Variants in AUTS2 observed in about 807,000 individuals in gnomAD.
The protein encoded by AUTS2 is autism susceptibility gene 2 protein.
A neutral mutation model predicts 112.4 loss-of-function variants in AUTS2; 17 were observed. The ratio of observed to expected loss-of-function variants is 0.15; its 90% CI spans 0.10 to 0.23. The LOEUF is 0.23. Among genes scored for constraint, AUTS2 ranks in the 10% least tolerant of loss-of-function variants. AUTS2 has a pLI of 1.00. For missense variants in AUTS2, 1,510 were observed against 1,701.6 expected (o/e 0.89, Z 1.98); for synonymous variants, 751 against 702.7 (o/e 1.07, Z -1.09).
chr7:69,653,917 G>C (rs1584014784), intron 1 of AUTS2, among the ~76,000 whole-genome samples: 1 of 152,150 alleles, frequency 6.6e-6, no homozygotes, highest in African/African-American at 2.4e-5. Flanking sequence ...TCTCTACTTA[G>C]TATCCATTTC....
At chr7:69,948,847 C>G (rs1584481448) in intron 2 of AUTS2, among the ~76,000 whole-genome samples, 1 of 150,752 alleles carries the variant, frequency 6.6e-6, no homozygotes, top group East Asian at 2.0e-4. Context: ...CTCTTGTCAC[C>G]CAGGCTGGAG....
chr7:70,055,035 C>A (rs1483485002), intron 2 of AUTS2, among the ~76,000 whole-genome samples: 1 of 152,140 alleles, frequency 6.6e-6, no homozygotes, highest in Non-Finnish European at 1.5e-5. Context: ...TTGCCTACTT[C>A]TTTCCTTCTA....
At chr7:70,400,871 C>T (rs1794297193) in intron 4 of AUTS2, among the ~76,000 whole-genome samples, 1 of 152,102 alleles carries the variant, frequency 6.6e-6, no homozygotes, top group Non-Finnish European at 1.5e-5. Context: ...TTTTAACAAG[C>T]TCCCTAGGCA....
intron 2 of AUTS2, among the ~76,000 whole-genome samples, chr7:70,110,221 T>A (rs970542892): frequency 2.6e-5 from 4 of 152,180 alleles, no homozygotes; most frequent in African/African-American, 9.6e-5. Context: ...TTTTCCTTTT[T>A]AAATTTTATT....
chr7:70,396,123 A>C (rs1265720874), intron 4 of AUTS2, among the ~76,000 whole-genome samples: 1 of 152,116 alleles, frequency 6.6e-6, no homozygotes, highest in Non-Finnish European at 1.5e-5. Context: ...CAAAGTACCC[A>C]CTCATGACAC....
At chr7:69,846,126 T>C (rs1263263109) in intron 1 of AUTS2, among the ~76,000 whole-genome samples, 1 of 152,086 alleles carries the variant, frequency 6.6e-6, no homozygotes, top group Non-Finnish European at 1.5e-5. Flanking sequence ...GTGCCTTTTG[T>C]TAATATATTC....
chr7:70,364,681 C>A (rs1237185447), intron 4 of AUTS2, among the ~76,000 whole-genome samples: 1 of 151,754 alleles, frequency 6.6e-6, no homozygotes, highest in African/African-American at 2.4e-5. Context: ...TTATTAACTT[C>A]TTTTTACTCC....
chr7:70,729,596 A>G (rs1787246591), intron 6 of AUTS2, among the ~76,000 whole-genome samples: 1 of 152,176 alleles, frequency 6.6e-6, no homozygotes, highest in African/African-American at 2.4e-5. Flanking sequence ...TCAGGTGTTG[A>G]AATTTGGCAG....
intron 2 of AUTS2, among the ~76,000 whole-genome samples, chr7:70,091,471 AT>A (rs898369926): frequency 2.8e-4 from 43 of 152,128 alleles, no homozygotes; most frequent in East Asian, 2.5e-3. Context: ...GGTCCTATAA[AT>A]TTTTTTTAAT....
intron 4 of AUTS2, among the ~76,000 whole-genome samples, chr7:70,343,567 G>A (rs1481415940): frequency 6.6e-6 from 1 of 152,196 alleles, no homozygotes; most frequent in Non-Finnish European, 1.5e-5. Flanking sequence ...TCTTCTGGAA[G>A]ACGGGTGATG....
At chr7:70,591,382 G>GTGTTTGTT (rs1316220849) in intron 5 of AUTS2, among the ~76,000 whole-genome samples, 30 of 116,362 alleles carry the variant, frequency 2.6e-4, no homozygotes, top group African/African-American at 1.1e-3. Flanking sequence ...GGTTTACCCA[G>GTGTTTGTT]TCTTTGTTTG....
chr7:70,698,017 T>G (rs1049663118), intron 5 of AUTS2, among the ~76,000 whole-genome samples: 1 of 152,186 alleles, frequency 6.6e-6, no homozygotes, highest in African/African-American at 2.4e-5. Flanking sequence ...GCAGGCCGGC[T>G]TGCATCTTTT....
rs186691249 is a variant in AUTS2, at chr7:69,758,447, C to T, written c.310-140839C>T. 1.2e-3 allele frequency among the ~76,000 whole-genome samples: 181 copies of T among 152,302 alleles called. 1 individual carries two copies. The East Asian group carries it at 0.012, about 10-fold the overall frequency. ...TCAGGGATAAACCTTAGGCTACTCT[C>T]CTGCTTCCTTTTTCAAATGATCCGG... On this transcript the variant is annotated intron_variant, in intron 1 of 18. Transcript: ENST00000342771.
At chr7:70,189,976 A>G (rs1809799965) in intron 4 of AUTS2, among the ~76,000 whole-genome samples, 1 of 152,160 alleles carries the variant, frequency 6.6e-6, no homozygotes, top group African/African-American at 2.4e-5. Flanking sequence ...GAGGTTGAGC[A>G]TGTTAAGGAT....
intron 17 of AUTS2, chr7:70,786,867 C>T (rs1480502232): frequency 2.6e-6 from 1 of 377,642 alleles, no homozygotes; most frequent in Admixed American, 4.1e-5. Context: ...CAAATCCCAC[C>T]ATCATAACAC....
At chr7:70,754,030 G>C (rs539156041) in intron 6 of AUTS2, among the ~76,000 whole-genome samples, 1 of 151,896 alleles carries the variant, frequency 6.6e-6, no homozygotes, top group African/African-American at 2.4e-5. Context: ...GCGTGGTGGC[G>C]GGTGCCTGTA....
intron 2 of AUTS2, among the ~76,000 whole-genome samples, chr7:69,909,640 A>G (rs1795277258): frequency 6.6e-6 from 1 of 152,216 alleles, no homozygotes; most frequent in Admixed American, 6.5e-5. Flanking sequence ...TAAAAATATT[A>G]TAATTGAATT....
intron 2 of AUTS2, among the ~76,000 whole-genome samples, chr7:69,982,478 A>C (rs1420979014): frequency 6.6e-6 from 1 of 151,670 alleles, no homozygotes; most frequent in Non-Finnish European, 1.5e-5. Flanking sequence ...GGGAAAAAAA[A>C]CGTGGAGTAT....
chr7:70,577,764 G>C (rs1387660166), intron 5 of AUTS2, among the ~76,000 whole-genome samples: 3 of 152,014 alleles, frequency 2.0e-5, no homozygotes, highest in Non-Finnish European at 2.9e-5. Context: ...TTCCCCAACT[G>C]TGGCAACATC....
Sources: gnomAD v4.1 joint callset for allele counts (sites outside exome capture counted in the v4.1 genomes callset) on GRCh38, gnomAD v4.1.1 for gene constraint, MANE v1.5 for transcripts, NCBI Gene and HGNC (gene_info 2026-07-23, HGNC 2026-07-21) for gene names.